RYR2: variants seen among roughly 807,000 people sequenced by gnomAD.
The protein encoded by RYR2 is cardiac muscle ryanodine receptor-calcium release channel.
RYR2 carries 227 observed loss-of-function variants against 601.1 expected under a neutral mutation model. The observed-to-expected ratio is 0.38, with a 90% CI of 0.34 to 0.42. The LOEUF is 0.42. RYR2 is among the 10% of genes least tolerant of loss of function. The pLI is 1.00. For synonymous variants in RYR2, 2,223 were observed against 2,175.1 expected, an observed-to-expected ratio of 1.02 and a Z score of -0.61; for missense variants, 4,646 against 6,156.5, an observed-to-expected ratio of 0.75 and a Z score of 8.21.
chr1:237,142,623 G>A (rs911906883), intron 1 of RYR2, among the ~76,000 whole-genome samples: 1 of 152,168 alleles, frequency 6.6e-6, no homozygotes, highest in Non-Finnish European at 1.5e-5. Context: ...CATTGGTGGG[G>A]CAGTTGGGAA....
intron 3 of RYR2, among the ~76,000 whole-genome samples, chr1:237,337,633 T>C (rs1279297744): frequency 1.3e-5 from 2 of 152,196 alleles, no homozygotes; most frequent in Non-Finnish European, 2.9e-5. Context: ...GTAAAGTGTG[T>C]AGAACAATCG....
At chr1:237,296,787 T>C (rs767793023) in intron 2 of RYR2, among the ~76,000 whole-genome samples, 41 of 152,290 alleles carry the variant, frequency 2.7e-4, no homozygotes, top group Non-Finnish European at 5.1e-4. Context: ...CTTCTGGCAT[T>C]TAGAGGCAGA....
intron 1 of RYR2, among the ~76,000 whole-genome samples, chr1:237,130,265 A>G (rs1456506640): frequency 1.3e-5 from 2 of 152,228 alleles, no homozygotes; most frequent in South Asian, 2.1e-4. Flanking sequence ...AGAGTAAAAA[A>G]GAGAGTATGG....
chr1:237,236,184 G>T (rs1212148821), intron 1 of RYR2, among the ~76,000 whole-genome samples: 1 of 152,184 alleles, frequency 6.6e-6, no homozygotes, highest in Non-Finnish European at 1.5e-5. Context: ...AAGTAGGAAA[G>T]GAAAGGGTGC....
At position 237,594,885 on chromosome 1, in the gene RYR2, G is replaced by GGTTTTTTTTGTTTTTTTTTTTTTTTT. The variant is rs773047111; in HGVS notation, c.4437-604_4437-603insGTTTTTTTTTTTTTTTTGTTTTTTTT. Among the ~76,000 whole-genome samples, 3 of 79,058 alleles carry GGTTTTTTTTGTTTTTTTTTTTTTTTT rather than the reference G, an allele frequency of 3.8e-5. No homozygotes were observed. In the East Asian group the frequency reaches 1.4e-3, roughly 37 times the overall value. 51.9% of individuals were successfully genotyped at this position (79,058 alleles called of 152,430 possible). A position where few individuals can be genotyped will look rare whatever the true frequency, so the allele number is the denominator to read the frequency against. On this transcript the variant is annotated intron_variant, in intron 33 of 104. Transcript: ENST00000366574. Reference sequence around the variant, plus strand: ...GTGGCATTTGTGGTTAATATCACTGGGTTTTTTTTTTTTTTTTTTTTTTTT... The same window carrying GGTTTTTTTTGTTTTTTTTTTTTTTTT: ...GTGGCATTTGTGGTTAATATCACTGGGTTTTTTTTGTTTTTTTTTTTTTTTTGTTTTTTTTTTTTTTTTTTTTTTTT...
At chr1:237,383,414 C>CTTTTTTTTTTTT (rs1558724426) in intron 8 of RYR2, among the ~76,000 whole-genome samples, 2 of 64,788 alleles carry the variant, frequency 3.1e-5, no homozygotes, top group South Asian at 5.0e-4. Flanking sequence ...TTTCTTTTTT[C>CTTTTTTTTTTTT]TTGTTTTTTT....
intron 3 of RYR2, among the ~76,000 whole-genome samples, chr1:237,348,255 A>T (rs1369726681): frequency 6.6e-6 from 1 of 152,206 alleles, no homozygotes; most frequent in Non-Finnish European, 1.5e-5. Context: ...GATAACTGGC[A>T]TGCACCACTA....
intron 95 of RYR2, among the ~76,000 whole-genome samples, chr1:237,794,629 GTTTATA>G (rs747706017): frequency 1.8e-4 from 28 of 152,164 alleles, no homozygotes; most frequent in Non-Finnish European, 3.7e-4. Context: ...AGTTGTAATA[GTTTATA>G]TTTACTATTC....
At chr1:237,414,323 G>A (rs1704735864) in intron 10 of RYR2, among the ~76,000 whole-genome samples, 1 of 152,110 alleles carries the variant, frequency 6.6e-6, no homozygotes, top group Admixed American at 6.6e-5. Flanking sequence ...TAAGTATGTT[G>A]CCAAAATGAA....
intron 1 of RYR2, among the ~76,000 whole-genome samples, chr1:237,266,258 C>T (rs1419245601): frequency 6.6e-6 from 1 of 152,020 alleles, no homozygotes; most frequent in Non-Finnish European, 1.5e-5. Context: ...ATTGTCCTGT[C>T]AGGTAGGTTA....
intron 16 of RYR2, among the ~76,000 whole-genome samples, chr1:237,464,707 A>C (rs1371121855): frequency 6.6e-6 from 1 of 152,166 alleles, no homozygotes; most frequent in Non-Finnish European, 1.5e-5. Context: ...ACTTATATTC[A>C]GTGTATACAT....
intron 63 of RYR2, among the ~76,000 whole-genome samples, chr1:237,691,337 G>A (rs1686927617): frequency 6.6e-6 from 1 of 152,008 alleles, no homozygotes; most frequent in Admixed American, 6.6e-5. Flanking sequence ...CAGGACAGGA[G>A]CATTAAAAAA....
chr1:237,287,882 A>G (rs1691735971), intron 2 of RYR2, among the ~76,000 whole-genome samples: 1 of 151,980 alleles, frequency 6.6e-6, no homozygotes, highest in Non-Finnish European at 1.5e-5. Context: ...AGTGGTGAAG[A>G]GCCTTGTTTT....
chr1:237,045,083 A>T lies in RYR2; in HGVS notation c.48+2514A>T, dbSNP rs1234444840. On this transcript the variant is annotated intron_variant, in intron 1 of 104. Transcript: ENST00000366574. ...AGCTGTTTTGCATAGAAAAACAAAA[A>T]CAGTCATTAAGACACCGTAATTGTG... Among the ~76,000 whole-genome samples the T allele has an allele frequency of 4.6e-5, 7 of 152,114 alleles. No homozygotes were observed. In the East Asian group the frequency reaches 1.4e-3, roughly 29 times the overall value.
chr1:237,073,067 T>G (rs182270479), intron 1 of RYR2, among the ~76,000 whole-genome samples: 1 of 152,150 alleles, frequency 6.6e-6, no homozygotes, highest in Admixed American at 6.5e-5. Context: ...AACTAGACAC[T>G]TAAGGACCTA....
At chr1:237,817,474 G>C (rs879256108) in intron 100 of RYR2, among the ~76,000 whole-genome samples, 3 of 152,172 alleles carry the variant, frequency 2.0e-5, no homozygotes, top group African/African-American at 4.8e-5. Flanking sequence ...ACTGGCAACA[G>C]AGTAATAACC....
intron 75 of RYR2, 145 bp from the exon 76 acceptor site, chr1:237,726,942 T>C: frequency 1.8e-6 from 1 of 561,506 alleles, no homozygotes; most frequent in Non-Finnish European, 3.2e-6. Flanking sequence ...TAAGGTACTT[T>C]TGGAATTGGA....
chr1:237,560,283 G>A (rs1036221232), intron 27 of RYR2, among the ~76,000 whole-genome samples: 11 of 152,198 alleles, frequency 7.2e-5, no homozygotes, highest in African/African-American at 2.7e-4. Flanking sequence ...TGTTATTGCT[G>A]CCTCACAAAG....
At chr1:237,160,096 T>C (rs1675838623) in intron 1 of RYR2, among the ~76,000 whole-genome samples, 1 of 152,244 alleles carries the variant, frequency 6.6e-6, no homozygotes, top group Admixed American at 6.5e-5. Context: ...TAACAATTAA[T>C]ACTTGACAGA....
Sources: allele counts gnomAD v4.1 joint callset (sites outside exome capture counted in the v4.1 genomes callset), GRCh38; gene constraint gnomAD v4.1.1; transcripts MANE v1.5; gene names NCBI Gene and HGNC (gene_info 2026-07-23, HGNC 2026-07-21).